Variants in RBM20 observed in about 807,000 individuals in gnomAD.
The protein encoded by RBM20 is RNA binding motif protein 20.
Under a neutral mutation model 110.1 loss-of-function variants are expected in RBM20, and 51 were observed. The ratio of observed to expected loss-of-function variants is 0.46; its 90% CI spans 0.37 to 0.59. The LOEUF is 0.59. Among genes scored for constraint, RBM20 ranks in the 20% least tolerant of loss-of-function variants. RBM20 has a pLI of 0.00. For missense variants in RBM20, 1,512 were observed against 1,574.9 expected (o/e 0.96, Z 0.68); for synonymous variants, 589 against 618.2 (o/e 0.95, Z 0.70).
At chr10:110,670,168 C>T (rs1486528721) in intron 1 of RBM20, among the ~76,000 whole-genome samples, 3 of 151,962 alleles carry the variant, frequency 2.0e-5, no homozygotes, top group African/African-American at 7.3e-5. Flanking sequence ...TCTCTTTGCA[C>T]GTTTACATGA....
Position 110,671,839 on chromosome 10 carries a change from A to G in RBM20, c.191+27194A>G, listed in dbSNP as rs150055191. Among the ~76,000 whole-genome samples, 653 of 152,216 alleles carry G rather than the reference A, an allele frequency of 4.3e-3. 4 individuals carry two copies. The highest frequency in any genetic ancestry group is 0.015 in the African/African-American group (605 of 41,502). ...TGGTAAAGATATCTTTTAAAATGTTAATTTACAGAAGAGATCCATTCTGGT... is the reference window on the plus strand; with the variant it reads ...TGGTAAAGATATCTTTTAAAATGTTGATTTACAGAAGAGATCCATTCTGGT... On this transcript the variant is annotated intron_variant, in intron 1 of 13. Transcript: ENST00000369519.
rs534980219 is a variant in RBM20, at chr10:110,747,868, A to G, written c.192-32933A>G. On this transcript the variant is annotated intron_variant, in intron 1 of 13. Coordinates refer to ENST00000369519, the MANE Select transcript of RBM20 (RefSeq NM_001134363.3). Reference sequence around the variant, plus strand: ...TTCTTTCTGCAAGAGAAAGCCTTTTAGAAAGTTTTCTTTCTGAAAGAGAAA... The same window carrying G: ...TTCTTTCTGCAAGAGAAAGCCTTTTGGAAAGTTTTCTTTCTGAAAGAGAAA... Among the ~76,000 whole-genome samples the G allele has an allele frequency of 2.0e-4, 21 of 104,596 alleles. 1 individual carries two copies. The highest frequency in any genetic ancestry group is 8.0e-4 in the African/African-American group (21 of 26,258). The allele number at this position is 104,596 out of a possible 152,430, so 68.6% of individuals were successfully genotyped here.
At chr10:110,806,973 A>G (rs575004876) in intron 7 of RBM20, among the ~76,000 whole-genome samples, 1 of 152,322 alleles carries the variant, frequency 6.6e-6, no homozygotes, top group African/African-American at 2.4e-5. Flanking sequence ...CCCTTTTCAG[A>G]TGGCAGCTGG....
In RBM20 at chr10:110,799,842, A is replaced by G. The variant is rs1844599060; in HGVS notation, c.1724A>G (p.Gln575Arg). The G allele has an allele frequency of 6.4e-7, 1 of 1,551,938 alleles. No homozygotes were observed. Among genetic ancestry groups the G allele is most frequent in the Non-Finnish European group, 8.7e-7 (1 of 1,146,988 alleles). Reference sequence around the variant, plus strand: ...GCACAGGCCATGGTCCAGTATTATCAAGAAAAATCTGCTGTGATCAATGGT... The same window carrying G: ...GCACAGGCCATGGTCCAGTATTATCGAGAAAAATCTGCTGTGATCAATGGT... ...EAAQAMVQYY[Q>R]EKSAVINGEK... Residue 575 changes from glutamine to arginine, a missense_variant, in exon 7 of 14, where the codon CAA becomes CGA. Physicochemically the swap from Gln to Arg is conservative, Grantham distance 43. Coordinates refer to ENST00000369519, the MANE Select transcript of RBM20 (RefSeq NM_001134363.3).
At position 110,837,240 on chromosome 10, in the gene RBM20, C is replaced by T. The variant is rs985832747; in HGVS notation, c.*1262C>T. The T allele has an allele frequency of 2.6e-5, 4 of 152,206 alleles. No homozygotes were observed. The highest frequency in any genetic ancestry group is 4.8e-5 in the African/African-American group (2 of 41,436). 9.4% of individuals were successfully genotyped at this position (152,206 alleles called of 1,614,324 possible). On this transcript the variant is annotated 3_prime_UTR_variant, in exon 14 of 14. Transcript: ENST00000369519. ...TTGATACCAAAATGTTATGAAAAGT[C>T]GTGATTCCCGCTGCTCTTTCTGGTA...
intron 1 of RBM20, among the ~76,000 whole-genome samples, chr10:110,755,630 A>T (rs1843911371): frequency 6.6e-6 from 1 of 152,210 alleles, no homozygotes; most frequent in Non-Finnish European, 1.5e-5. Flanking sequence ...AAGGGAATGT[A>T]GGGCCACAAG....
intron 1 of RBM20, among the ~76,000 whole-genome samples, chr10:110,774,141 A>G (rs1169048964): frequency 6.6e-6 from 1 of 152,214 alleles, no homozygotes; most frequent in East Asian, 1.9e-4. Flanking sequence ...CAGTCTTCTT[A>G]CTATAGACTG....
At chr10:110,762,595 T>C (rs1844020441) in intron 1 of RBM20, among the ~76,000 whole-genome samples, 1 of 152,148 alleles carries the variant, frequency 6.6e-6, no homozygotes, top group Admixed American at 6.5e-5. Context: ...GTTACGGAGC[T>C]CACAATAGCA....
At chr10:110,679,003 G>T (rs943390176) in intron 1 of RBM20, among the ~76,000 whole-genome samples, 2 of 152,152 alleles carry the variant, frequency 1.3e-5, no homozygotes, top group Non-Finnish European at 2.9e-5. Flanking sequence ...TCAAATCCAG[G>T]ATACTCTGCT....
chr10:110,752,945 A>ATTTTTT (rs71492062), intron 1 of RBM20, among the ~76,000 whole-genome samples: 1 of 109,014 alleles, frequency 9.2e-6, no homozygotes, highest in South Asian at 3.0e-4. Flanking sequence ...ATATATATAT[A>ATTTTTT]TTTTTTTTTT....
intron 1 of RBM20, among the ~76,000 whole-genome samples, chr10:110,735,326 T>A (rs887563993): frequency 1.3e-5 from 2 of 152,222 alleles, no homozygotes; most frequent in African/African-American, 4.8e-5. Flanking sequence ...AGAACTACCA[T>A]AAACATGTAT....
At chr10:110,721,235 G>A (rs1843500805) in intron 1 of RBM20, among the ~76,000 whole-genome samples, 1 of 152,198 alleles carries the variant, frequency 6.6e-6, no homozygotes, top group East Asian at 1.9e-4. Context: ...TTTCCATGAG[G>A]AGAGAGACTT....
At chr10:110,743,177 T>G (rs57042067) in intron 1 of RBM20, among the ~76,000 whole-genome samples, 2,738 of 152,346 alleles carry the variant, frequency 0.018, 88 homozygotes, top group African/African-American at 0.062. Context: ...TTTTATGAAC[T>G]GTATATTTTA....
chr10:110,801,263 C>T (rs1286023445), intron 7 of RBM20, among the ~76,000 whole-genome samples: 1 of 151,842 alleles, frequency 6.6e-6, no homozygotes, highest in African/African-American at 2.4e-5. Flanking sequence ...CCCGTCTCTA[C>T]TAAAAATACA....
In RBM20 at chr10:110,758,014, C is replaced by CTTTTTTTTTTTTT. The variant is rs760246427; in HGVS notation, c.192-22775_192-22763dup. On this transcript the variant is annotated intron_variant, in intron 1 of 13. Transcript: ENST00000369519. ...AGAAAAGACAGGCAAGATCCTTGTT[C>CTTTTTTTTTTTTT]TTTTTTTTTTTTTTTTTTTTTTTTG... Among the ~76,000 whole-genome samples, 354 of 79,900 alleles carry CTTTTTTTTTTTTT rather than the reference C, an allele frequency of 4.4e-3. 41 individuals are homozygous for CTTTTTTTTTTTTT. Among genetic ancestry groups the CTTTTTTTTTTTTT allele is most frequent in the East Asian group, 6.7e-3 (16 of 2,378 alleles). 52.4% of individuals were successfully genotyped at this position (79,900 alleles called of 152,430 possible). A position where few individuals can be genotyped will look rare whatever the true frequency, so the allele number is the denominator to read the frequency against.
chr10:110,666,418 C>T (rs998415999), intron 1 of RBM20, among the ~76,000 whole-genome samples: 5 of 152,054 alleles, frequency 3.3e-5, no homozygotes, highest in African/African-American at 9.7e-5. Flanking sequence ...TGAGGCAGGA[C>T]GATTGCCTGA....
At chr10:110,659,717 T>C (rs1862073677) in intron 1 of RBM20, among the ~76,000 whole-genome samples, 1 of 152,138 alleles carries the variant, frequency 6.6e-6, no homozygotes, top group Admixed American at 6.5e-5. Context: ...TGTTCTTTTT[T>C]TTCTTTTCTT....
At chr10:110,807,928 G>A (rs1844715705) in intron 7 of RBM20, among the ~76,000 whole-genome samples, 1 of 152,240 alleles carries the variant, frequency 6.6e-6, no homozygotes, top group Admixed American at 6.5e-5. Flanking sequence ...AGGGACCCGG[G>A]GTGTGGCTTC....
At chr10:110,805,746 T>A (rs1327933121) in intron 7 of RBM20, among the ~76,000 whole-genome samples, 1 of 152,168 alleles carries the variant, frequency 6.6e-6, no homozygotes, top group Non-Finnish European at 1.5e-5. Flanking sequence ...ATGCCAGCAC[T>A]TTTCTAGGAC....
Sources: allele counts gnomAD v4.1 joint callset (sites outside exome capture counted in the v4.1 genomes callset), GRCh38; gene constraint gnomAD v4.1.1; transcripts MANE v1.5; gene names NCBI Gene and HGNC (gene_info 2026-07-23, HGNC 2026-07-21).